The following B4GALT5 variants were observed in gnomAD, a reference collection of about 807,000 sequenced individuals.
B4GALT5 encodes the protein UDP-Gal:beta-GlcNAc beta-1,4-galactosyltransferase 5.
Under a neutral mutation model 45.0 loss-of-function variants are expected in B4GALT5, and 11 were observed. The ratio of observed to expected loss-of-function variants is 0.24; its 90% CI spans 0.15 to 0.40. The LOEUF is 0.40. Ranked by LOEUF, B4GALT5 falls within the 10% of genes least tolerant of loss-of-function variation. The pLI is 1.00. For missense variants in B4GALT5, 337 were observed against 500.2 expected, an observed-to-expected ratio of 0.67 and a Z score of 3.11; for synonymous variants, 185 against 182.9, an observed-to-expected ratio of 1.01 and a Z score of -0.09.
At chr20:49,647,448 C>T (rs2123005196) in intron 2 of B4GALT5, among the ~76,000 whole-genome samples, 1 of 152,280 alleles carries the variant, frequency 6.6e-6, no homozygotes, top group Middle Eastern at 3.4e-3. Context: ...CAGTATTCAC[C>T]TCTGTCAGCC....
chr20:49,704,106 C>T (rs1242576631), intron 1 of B4GALT5, among the ~76,000 whole-genome samples: 1 of 152,162 alleles, frequency 6.6e-6, no homozygotes, highest in African/African-American at 2.4e-5. Flanking sequence ...CCAGCCAAGT[C>T]TACCAATCAG....
At chr20:49,654,801 C>G (rs939682490) in intron 2 of B4GALT5, among the ~76,000 whole-genome samples, 1 of 151,938 alleles carries the variant, frequency 6.6e-6, no homozygotes, top group African/African-American at 2.4e-5. Flanking sequence ...TGGGCTTAGA[C>G]GAAATCATTA....
At chr20:49,694,062 G>A (rs559612779) in intron 1 of B4GALT5, among the ~76,000 whole-genome samples, 1 of 152,194 alleles carries the variant, frequency 6.6e-6, no homozygotes, top group Admixed American at 6.5e-5. Flanking sequence ...GATCAACTAA[G>A]CTAGCAGAAG....
chr20:49,695,278 C>A (rs1315101142), intron 1 of B4GALT5, among the ~76,000 whole-genome samples: 3 of 151,922 alleles, frequency 2.0e-5, no homozygotes, highest in Non-Finnish European at 4.4e-5. Flanking sequence ...ACCCCCTACA[C>A]AATCCCCAGC....
chr20:49,690,410 A>G (rs1195908374), intron 1 of B4GALT5, among the ~76,000 whole-genome samples: 1 of 150,410 alleles, frequency 6.6e-6, no homozygotes, highest in Non-Finnish European at 1.5e-5. Flanking sequence ...ATAGCCAGGC[A>G]TGGTGGTGCA....
intron 1 of B4GALT5, among the ~76,000 whole-genome samples, chr20:49,699,367 C>CAAA (rs11476698): frequency 1.2e-4 from 11 of 93,812 alleles, no homozygotes; most frequent in African/African-American, 1.7e-4. Context: ...CCTAAATGGG[C>CAAA]AAAAAAAAAA....
chr20:49,710,397 T>TTC (rs531057506), intron 1 of B4GALT5, among the ~76,000 whole-genome samples: 1,345 of 89,788 alleles, frequency 0.015, 5 homozygotes, highest in Non-Finnish European at 0.018. Flanking sequence ...TTCTGTTATT[T>TTC]TCTCTCTCTT....
rs1408654566 is a variant in B4GALT5 at position 49,639,711 on chromosome 20, C to T, written c.884G>A (p.Gly295Asp). The T allele has an allele frequency of 6.2e-7, 1 of 1,613,606 alleles. No individual in the cohort carries two copies. Among genetic ancestry groups the T allele is most frequent in the African/African-American group, 1.3e-5 (1 of 74,882 alleles). ...GAGGTCGTCATCTTCTCCACCCCAA[C>T]CCCAGAAAGCATTAGGAAAGCCATT... ...KINGFPNAFW[G>D]WGGEDDDLWN... is the part of the protein sequence containing the mutation. The change falls in exon 7 of 9, where the codon GGT becomes GAT. Residue 295 changes from glycine to aspartate, a missense_variant. Physicochemically the swap from Gly to Asp is moderately conservative, Grantham distance 94. This residue lies in a region of B4GALT5 where 163 missense variants were observed against 292.8 expected (regional missense o/e 0.56). Transcript: ENST00000371711.
chr20:49,688,003 T>C (rs1039245661), intron 1 of B4GALT5, among the ~76,000 whole-genome samples: 2 of 152,128 alleles, frequency 1.3e-5, no homozygotes, highest in African/African-American at 2.4e-5. Context: ...ATGCCACAAC[T>C]GCTTTGCCCC....
intron 7 of B4GALT5, 140 bp downstream of exon 7, chr20:49,639,538 T>C: frequency 1.5e-6 from 2 of 1,328,120 alleles, no homozygotes; most frequent in Non-Finnish European, 2.0e-6. Context: ...CAATTTCATT[T>C]TTTTCCTTAA....
At chr20:49,683,706 G>A (rs748839484) in intron 1 of B4GALT5, among the ~76,000 whole-genome samples, 2 of 151,866 alleles carry the variant, frequency 1.3e-5, no homozygotes, top group African/African-American at 2.4e-5. Context: ...CACTGCGCCC[G>A]GCCTAGACAG....
At chr20:49,666,294 A>C (rs983502112) in intron 1 of B4GALT5, among the ~76,000 whole-genome samples, 4 of 152,174 alleles carry the variant, frequency 2.6e-5, no homozygotes, top group African/African-American at 9.7e-5. Flanking sequence ...TGGCATGTAG[A>C]GTGGAGGGAA....
chr20:49,656,721 G>A lies in B4GALT5; in HGVS notation c.116-19C>T. The A allele has an allele frequency of 6.2e-7, 1 of 1,613,022 alleles. No homozygotes were observed. The stretch of plus-strand genomic sequence containing the variant: ...GTGTTCACTGCAGAAAGCAAAAAGG[G>A]GAAAAAGAGGTGGATTCAGAAGCAA... On this transcript the variant is annotated intron_variant, in intron 1 of 8. Coordinates refer to ENST00000371711, the MANE Select transcript of B4GALT5 (RefSeq NM_004776.4).
intron 1 of B4GALT5, among the ~76,000 whole-genome samples, chr20:49,679,624 C>T (rs1368771712): frequency 6.0e-5 from 9 of 151,100 alleles, no homozygotes; most frequent in Non-Finnish European, 8.8e-5. Flanking sequence ...TGCAGTGAGC[C>T]GAGATCCCAC....
At chr20:49,682,170 T>C (rs1165736828) in intron 1 of B4GALT5, among the ~76,000 whole-genome samples, 1 of 152,190 alleles carries the variant, frequency 6.6e-6, no homozygotes, top group African/African-American at 2.4e-5. Context: ...CTCTGGACAA[T>C]GGCTTACACT....
chr20:49,682,323 G>T (rs188398191), intron 1 of B4GALT5, among the ~76,000 whole-genome samples: 160 of 152,316 alleles, frequency 1.1e-3, no homozygotes, highest in Non-Finnish European at 1.8e-3. Flanking sequence ...TGTTGCTATG[G>T]ACTGCAGAGT....
intron 1 of B4GALT5, among the ~76,000 whole-genome samples, chr20:49,705,450 T>G (rs973118063): frequency 6.6e-6 from 1 of 152,174 alleles, no homozygotes; most frequent in African/African-American, 2.4e-5. Flanking sequence ...CAGATTTCCA[T>G]GTAGAGACAC....
chr20:49,637,319 G>T, intron 8 of B4GALT5, 22 bp downstream of exon 8: 1 of 1,584,484 alleles, frequency 6.3e-7, no homozygotes, highest in East Asian at 2.2e-5. Context: ...ACTTCTAAGA[G>T]ACAGAGATAA....
At position 49,645,474 on chromosome 20, in the gene B4GALT5, A is replaced by G. The variant is rs529258784; in HGVS notation, c.364+1491T>C. On this transcript the variant is annotated intron_variant, in intron 3 of 8. Transcript: ENST00000371711. ...TATAAAAGTGTATCACAAGGCTGGGAGCAGTGGCTCACACCTGTAATCCTA... is the reference window on the plus strand; with the variant it reads ...TATAAAAGTGTATCACAAGGCTGGGGGCAGTGGCTCACACCTGTAATCCTA... Among the ~76,000 whole-genome samples the G allele has an allele frequency of 2.6e-5, 4 of 152,250 alleles. No homozygotes were observed. The East Asian group carries it at 7.7e-4, about 29-fold the overall frequency.
Sources: gnomAD v4.1 joint callset for allele counts (sites outside exome capture counted in the v4.1 genomes callset) on GRCh38, gnomAD v4.1.1 for gene constraint, gnomAD v4.1.1 regional missense constraint, MANE v1.5 for transcripts, NCBI Gene and HGNC (gene_info 2026-07-23, HGNC 2026-07-21) for gene names.